The following STPG2 variants were observed in gnomAD, a reference collection of about 807,000 sequenced individuals.
STPG2 encodes sperm-tail PG-rich repeat-containing protein 2.
STPG2 carries 56 observed loss-of-function variants against 54.2 expected under a neutral mutation model. The observed-to-expected ratio is 1.03, with a 90% CI of 0.83 to 1.29. STPG2 has a LOEUF of 1.29. STPG2 is among the 50% of genes most tolerant of loss of function. The pLI is 0.00. For synonymous variants in STPG2, 200 were observed against 181.8 expected (o/e 1.10, Z -0.81); for missense variants, 596 against 544.9 (o/e 1.09, Z -0.93).
At chr4:97,447,495 G>A (rs950434924) in intron 4 of STPG2, among the ~76,000 whole-genome samples, 4 of 152,160 alleles carry the variant, frequency 2.6e-5, no homozygotes, top group African/African-American at 4.8e-5. Context: ...TGTGGGCTGG[G>A]ACCAAGTCTT....
At chr4:97,644,701 A>G (rs530436218) in intron 10 of STPG2, among the ~76,000 whole-genome samples, 2 of 152,018 alleles carry the variant, frequency 1.3e-5, no homozygotes, top group Non-Finnish European at 2.9e-5. Context: ...TCACTTGGGA[A>G]AGGTGCAATG....
chr4:97,468,185 T>C (rs1007745095), intron 4 of STPG2, among the ~76,000 whole-genome samples: 1 of 152,014 alleles, frequency 6.6e-6, no homozygotes, highest in African/African-American at 2.4e-5. Context: ...TTTGTCAAAC[T>C]TTTTTTCCAA....
At chr4:97,771,682 A>G (rs1203579234) in intron 9 of STPG2, among the ~76,000 whole-genome samples, 1 of 152,182 alleles carries the variant, frequency 6.6e-6, no homozygotes, top group Non-Finnish European at 1.5e-5. Flanking sequence ...AGACATGCAG[A>G]GGGAATGGGG....
rs186201143 is a variant in STPG2, at chr4:98,084,452, T to C, written c.612+21501A>G. Among the ~76,000 whole-genome samples, 61 of 152,322 alleles carry C rather than the reference T, an allele frequency of 4.0e-4. 1 individual carries two copies. The East Asian group carries it at 0.011, about 28-fold the overall frequency. ...TTTGTATAAGTATTTGGTGAACATA[T>C]ATTTTCATTTCTGTTACACGAATAG... is the stretch of plus-strand genomic sequence containing the variant. On this transcript the variant is annotated intron_variant, in intron 5 of 10. Coordinates refer to ENST00000295268, the MANE Select transcript of STPG2 (RefSeq NM_174952.3).
rs1291964115 is a variant in STPG2, at chr4:98,019,771, T to C, written c.613-38453A>G. Among the ~76,000 whole-genome samples, 3 of 121,928 alleles carry C rather than the reference T, an allele frequency of 2.5e-5. 1 individual carries two copies. The highest frequency in any genetic ancestry group is 3.6e-5 in the Non-Finnish European group (2 of 55,622). 80.0% of individuals were successfully genotyped at this position (121,928 alleles called of 152,430 possible). On this transcript the variant is annotated intron_variant, in intron 5 of 10. Coordinates refer to ENST00000295268, the MANE Select transcript of STPG2 (RefSeq NM_174952.3). ...TGGATTCCTAGGTATTTTATTCTCT[T>C]TGAAGCAATTGTGAATGGGAGTTCA...
At chr4:98,135,281 T>G (rs1383004889) in intron 1 of STPG2, among the ~76,000 whole-genome samples, 2 of 151,806 alleles carry the variant, frequency 1.3e-5, no homozygotes, top group Non-Finnish European at 3.0e-5. Flanking sequence ...TAAAAAATCT[T>G]GCTAATCTGG....
At chr4:97,448,816 C>A (rs973637417) in intron 4 of STPG2, among the ~76,000 whole-genome samples, 14 of 152,034 alleles carry the variant, frequency 9.2e-5, no homozygotes, top group African/African-American at 3.4e-4. Flanking sequence ...ATTTCTCTAT[C>A]AATCAAGAAA....
chr4:98,009,443 G>C (rs1389583898), intron 5 of STPG2, among the ~76,000 whole-genome samples: 1 of 151,862 alleles, frequency 6.6e-6, no homozygotes, highest in African/African-American at 2.4e-5. Context: ...GATTCAAAAA[G>C]ATACTTAATA....
intron 3 of STPG2, among the ~76,000 whole-genome samples, chr4:98,126,733 C>T (rs528080400): frequency 7.0e-4 from 107 of 152,266 alleles, no homozygotes; most frequent in African/African-American, 2.4e-3. Context: ...AGAACACTTA[C>T]ACTGAACTAC....
chr4:97,907,569 A>C (rs1443897658), intron 8 of STPG2, among the ~76,000 whole-genome samples: 1 of 152,030 alleles, frequency 6.6e-6, no homozygotes, highest in African/African-American at 2.4e-5. Context: ...AGTCAATCCT[A>C]AGCCAAAAGA....
intron 4 of STPG2, among the ~76,000 whole-genome samples, chr4:97,494,789 G>C (rs1416891713): frequency 6.6e-6 from 1 of 151,448 alleles, no homozygotes; most frequent in Non-Finnish European, 1.5e-5. Context: ...GTCAAAGATG[G>C]CTACAACAAT....
At chr4:97,942,993 G>T (rs1485198916) in intron 8 of STPG2, among the ~76,000 whole-genome samples, 1 of 152,134 alleles carries the variant, frequency 6.6e-6, no homozygotes, top group Non-Finnish European at 1.5e-5. Flanking sequence ...CATAAACTGG[G>T]TAGCTTGTAA....
chr4:97,725,717 A>G (rs1724602104), intron 9 of STPG2, among the ~76,000 whole-genome samples: 1 of 151,868 alleles, frequency 6.6e-6, no homozygotes, highest in Admixed American at 6.6e-5. Flanking sequence ...CAAAATTAAA[A>G]TGCTGAAAAC....
At chr4:97,907,536 C>A (rs1172474777) in intron 8 of STPG2, among the ~76,000 whole-genome samples, 2 of 151,826 alleles carry the variant, frequency 1.3e-5, no homozygotes, top group Non-Finnish European at 2.9e-5. Flanking sequence ...TCATATGGAA[C>A]CAAAAAAGAG....
chr4:97,466,115 A>C lies in STPG2; in HGVS notation c.462+246584T>G, dbSNP rs181124528. ...TATATCTATGTATTATAATACCAAA[A>C]GGTAATAAAAAAGCATATCCATACC... On this transcript the variant is annotated intron_variant, in intron 4 of 4. Transcript: ENST00000522676. Among the ~76,000 whole-genome samples, 280 of 152,244 alleles carry C rather than the reference A, an allele frequency of 1.8e-3. 1 individual carries two copies. The highest frequency in any genetic ancestry group is 6.4e-3 in the African/African-American group (267 of 41,552).
chr4:97,521,211 G>A (rs1731174248), intron 4 of STPG2, among the ~76,000 whole-genome samples: 1 of 151,772 alleles, frequency 6.6e-6, no homozygotes, highest in Admixed American at 6.6e-5. Context: ...TTTTTACCTT[G>A]AGCTGATCTT....
intron 4 of STPG2, among the ~76,000 whole-genome samples, chr4:97,493,898 A>G (rs1465782618): frequency 6.6e-6 from 1 of 151,588 alleles, no homozygotes; most frequent in Non-Finnish European, 1.5e-5. Context: ...ATGTTTCAGG[A>G]ATAAATATCA....
intron 8 of STPG2, among the ~76,000 whole-genome samples, chr4:97,843,133 T>C (rs562561274): frequency 9.9e-5 from 15 of 152,004 alleles, no homozygotes; most frequent in Non-Finnish European, 1.8e-4. Flanking sequence ...AGAAGGGACA[T>C]GAAGAATGGA....
intron 9 of STPG2, among the ~76,000 whole-genome samples, chr4:97,831,184 C>G (rs1406918721): frequency 6.6e-6 from 1 of 152,166 alleles, no homozygotes; most frequent in Non-Finnish European, 1.5e-5. Context: ...TCTCAGACCA[C>G]AGTGCAATCA....
Sources: gnomAD v4.1 joint callset for allele counts (sites outside exome capture counted in the v4.1 genomes callset) on GRCh38, gnomAD v4.1.1 for gene constraint, MANE v1.5 for transcripts, NCBI Gene and HGNC (gene_info 2026-07-23, HGNC 2026-07-21) for gene names.